The following JAKMIP1 variants were observed in gnomAD, a reference collection of about 807,000 sequenced individuals.
JAKMIP1 encodes the protein janus kinase and microtubule-interacting protein 1.
A neutral mutation model predicts 113.0 loss-of-function variants in JAKMIP1; 33 were observed. That is an observed-to-expected ratio of 0.29 (90% CI 0.22 to 0.39). JAKMIP1 has a LOEUF of 0.39. Ranked by LOEUF, JAKMIP1 falls within the 10% of genes least tolerant of loss-of-function variation. JAKMIP1 has a pLI of 1.00. For synonymous variants in JAKMIP1, 480 were observed against 459.9 expected, an observed-to-expected ratio of 1.04 and a Z score of -0.56; for missense variants, 813 against 1,080.5, an observed-to-expected ratio of 0.75 and a Z score of 3.47.
intron 5 of JAKMIP1, among the ~76,000 whole-genome samples, chr4:6,082,899 G>C (rs140782878): frequency 6.6e-6 from 1 of 152,166 alleles, no homozygotes; most frequent in Non-Finnish European, 1.5e-5. Context: ...CTGGTAAAAA[G>C]ACAAAGACAG....
Position 6,176,400 on chromosome 4 carries a change from G to T in JAKMIP1, c.-148+23853C>A, listed in dbSNP as rs1245904179. On this transcript the variant is annotated intron_variant, in intron 1 of 20. Transcript: ENST00000409021. This position sits in a 1 kb window ranked among gnomAD's most constrained non-coding sequence, Gnocchi z 5.5. ...ACAAACATTTTAGGAGGCAAAACCAGATAGGACCTCCAGCCTAGCTGAACG... is the reference window on the plus strand; with the variant it reads ...ACAAACATTTTAGGAGGCAAAACCATATAGGACCTCCAGCCTAGCTGAACG... Among the ~76,000 whole-genome samples the T allele has an allele frequency of 6.6e-6, 1 of 152,218 alleles. No individual in the cohort carries two copies. Among genetic ancestry groups the T allele is most frequent in the Non-Finnish European group, 1.5e-5 (1 of 68,040 alleles).
chr4:6,096,457 T>G (rs1269600622), intron 3 of JAKMIP1, among the ~76,000 whole-genome samples: 1 of 152,194 alleles, frequency 6.6e-6, no homozygotes, highest in African/African-American at 2.4e-5. Flanking sequence ...ATATCTTCAC[T>G]CTCCATTTTT....
rs114240018 is a variant in JAKMIP1 at position 6,040,268 on chromosome 4, G to A, written c.2175+371C>T. On this transcript the variant is annotated intron_variant, in intron 18 of 20. Coordinates refer to ENST00000409021, the MANE Select transcript of JAKMIP1 (RefSeq NM_001099433.2). This position sits in a 1 kb window ranked among gnomAD's most constrained non-coding sequence, Gnocchi z 5.8. The stretch of plus-strand genomic sequence containing the variant: ...CTTCATCTAATTGCTTTACCTCTGC[G>A]TTCCTTTGTGATCATCTCTTTTTCC... Among the ~76,000 whole-genome samples the A allele has an allele frequency of 7.5e-3, 1,144 of 152,198 alleles. 8 individuals carry two copies. The highest frequency in any genetic ancestry group is 0.023 in the African/African-American group (965 of 41,514).
rs138604616 is a variant in JAKMIP1 at position 6,161,374 on chromosome 4, C to T, written c.-148+38879G>A. ...AAGACTGAGCCCACTTTTTGTGGTC[C>T]GACCTATCTGGCTGCCCCGTGGGCT... is the stretch of plus-strand genomic sequence containing the variant. On this transcript the variant is annotated intron_variant, in intron 1 of 20. Coordinates refer to ENST00000409021, the MANE Select transcript of JAKMIP1 (RefSeq NM_001099433.2). 1.1e-4 allele frequency among the ~76,000 whole-genome samples: 16 copies of T among 145,646 alleles called. No homozygotes were observed. The East Asian group carries it at 2.7e-3, about 25-fold the overall frequency.
rs67524653 is a variant in JAKMIP1, at chr4:6,154,500, TAA to T, written c.-147-41505_-147-41504del. Among the ~76,000 whole-genome samples the T allele has an allele frequency of 0.091, 12,473 of 137,016 alleles. 604 individuals carry two copies. Among genetic ancestry groups the T allele is most frequent in the South Asian group, 0.14 (602 of 4,206 alleles). The allele number at this position is 137,016 out of a possible 152,430, so 89.9% of individuals were successfully genotyped here. On this transcript the variant is annotated intron_variant, in intron 1 of 20. Transcript: ENST00000409021. The surrounding 1 kb of genome is among the most constrained non-coding windows in gnomAD (Gnocchi z 4.2). ...AATTTGTCAGATGTCTATAGTCCTT[TAA>T]AAAAAAAAAAAAGCAGGGGGGATAT...
At chr4:6,130,901 C>T (rs1007589851) in intron 1 of JAKMIP1, among the ~76,000 whole-genome samples, 2 of 151,550 alleles carry the variant, frequency 1.3e-5, no homozygotes, top group Non-Finnish European at 2.9e-5. Flanking sequence ...CAGTCAGGCG[C>T]GATGGTTCAA....
At chr4:6,084,996 T>TG in intron 4 of JAKMIP1, 31 bp from the exon 5 acceptor site, 1 of 808,654 alleles carries the variant, frequency 1.2e-6, no homozygotes, top group Non-Finnish European at 1.6e-6. Context: ...AAAAAAAAAG[T>TG]CAAGACGTAA....
At position 6,116,423 on chromosome 4, in the gene JAKMIP1, C is replaced by T. The variant is rs566771184; in HGVS notation, c.-147-3426G>A. On this transcript the variant is annotated intron_variant, in intron 1 of 20. Coordinates refer to ENST00000409021, the MANE Select transcript of JAKMIP1 (RefSeq NM_001099433.2). The surrounding 1 kb of genome is among the most constrained non-coding windows in gnomAD (Gnocchi z 5.1). ...AAGGAGCACAGCACTGGCTCAGCGCCGCAGGCTGGAGGATGACTGCTCAGG... is the reference window on the plus strand; with the variant it reads ...AAGGAGCACAGCACTGGCTCAGCGCTGCAGGCTGGAGGATGACTGCTCAGG... Among the ~76,000 whole-genome samples the T allele has an allele frequency of 3.9e-5, 6 of 152,206 alleles. No individual in the cohort carries two copies. Among genetic ancestry groups the T allele is most frequent in the East Asian group, 3.9e-4 (2 of 5,142 alleles).
At position 6,065,580 on chromosome 4, in the gene JAKMIP1, C is replaced by T. The variant is rs982512357; in HGVS notation, c.1303-572G>A. 6.6e-6 allele frequency among the ~76,000 whole-genome samples: 1 copy of T among 152,194 alleles called. No homozygotes were observed. The highest frequency in any genetic ancestry group is 1.5e-5 in the Non-Finnish European group (1 of 68,044). ...AGTGTGGCAAATGTGTGGCCCAAGT[C>T]CTGGCCAGACCCACACTTAGAGGCA... On this transcript the variant is annotated intron_variant, in intron 8 of 20. Coordinates refer to ENST00000409021, the MANE Select transcript of JAKMIP1 (RefSeq NM_001099433.2). This position sits in a 1 kb window ranked among gnomAD's most constrained non-coding sequence, Gnocchi z 5.1.
intron 16 of JAKMIP1, among the ~76,000 whole-genome samples, chr4:6,048,630 T>A (rs929281260): frequency 2.6e-5 from 4 of 152,248 alleles, no homozygotes; most frequent in Admixed American, 2.6e-4. Flanking sequence ...AGTGACAGAC[T>A]GTTTCCTCCA....
In JAKMIP1 at chr4:6,188,291, C is replaced by T. The variant is rs1270199321; in HGVS notation, c.-148+11962G>A. ...CATGTGGTGACTGGAAGTGTGGAGA[C>T]AGCTCATTGCTTCAGACTAAGGTGG... On this transcript the variant is annotated intron_variant, in intron 1 of 20. Coordinates refer to ENST00000409021, the MANE Select transcript of JAKMIP1 (RefSeq NM_001099433.2). The surrounding 1 kb of genome is among the most constrained non-coding windows in gnomAD (Gnocchi z 5.8). 6.6e-6 allele frequency among the ~76,000 whole-genome samples: 1 copy of T among 152,192 alleles called. No homozygotes were observed. Among genetic ancestry groups the T allele is most frequent in the Admixed American group, 6.5e-5 (1 of 15,288 alleles).
chr4:6,051,804 G>A lies in JAKMIP1; in HGVS notation c.1807-1125C>T, dbSNP rs2108768849. ...AGCACAGTGGCAGAACAGGACTCAG[G>A]TCTCAGATGTGTTTCCTGCACAGAA... On this transcript the variant is annotated intron_variant, in intron 13 of 20. Coordinates refer to ENST00000409021, the MANE Select transcript of JAKMIP1 (RefSeq NM_001099433.2). The surrounding 1 kb of genome is among the most constrained non-coding windows in gnomAD (Gnocchi z 5.0). Among the ~76,000 whole-genome samples the A allele has an allele frequency of 6.6e-6, 1 of 152,344 alleles. No individual in the cohort carries two copies.
At chr4:6,196,792 C>T (rs954754856) in intron 1 of JAKMIP1, among the ~76,000 whole-genome samples, 14 of 150,086 alleles carry the variant, frequency 9.3e-5, no homozygotes, top group Non-Finnish European at 1.9e-4. Context: ...ACCCAGGAGG[C>T]GGATGTTGCA....
chr4:6,101,862 T>C (rs4479782), intron 3 of JAKMIP1, among the ~76,000 whole-genome samples: 150,297 of 150,586 alleles, frequency 1, 75,006 homozygotes, highest in Middle Eastern at 1. Flanking sequence ...GTTGAGATCA[T>C]GCCACTGCAC....
In JAKMIP1 at chr4:6,168,669, T is replaced by C. The variant is rs1400828416; in HGVS notation, c.-148+31584A>G. On this transcript the variant is annotated intron_variant, in intron 1 of 20. Coordinates refer to ENST00000409021, the MANE Select transcript of JAKMIP1 (RefSeq NM_001099433.2). This position sits in a 1 kb window ranked among gnomAD's most constrained non-coding sequence, Gnocchi z 4.6. Reference sequence around the variant, plus strand: ...ACTTTGGGAGGGCGAGGCGGGCAGATTTTTTGAGTCCAAGAGTCCAAGACC... The same window carrying C: ...ACTTTGGGAGGGCGAGGCGGGCAGACTTTTTGAGTCCAAGAGTCCAAGACC... Among the ~76,000 whole-genome samples, 1 of 151,994 alleles carries C rather than the reference T, an allele frequency of 6.6e-6. No individual in the cohort carries two copies. Among genetic ancestry groups the C allele is most frequent in the Non-Finnish European group, 1.5e-5 (1 of 67,992 alleles).
In JAKMIP1 at chr4:6,129,893, A is replaced by G. The variant is rs1718263688; in HGVS notation, c.-147-16896T>C. 6.6e-6 allele frequency among the ~76,000 whole-genome samples: 1 copy of G among 152,196 alleles called. No individual in the cohort carries two copies. Among genetic ancestry groups the G allele is most frequent in the Non-Finnish European group, 1.5e-5 (1 of 68,036 alleles). ...GTGGAGGACTGCAGGAGACACTGCAACAGCTGACCACCACAACGACCCTGC... is the reference window on the plus strand; with the variant it reads ...GTGGAGGACTGCAGGAGACACTGCAGCAGCTGACCACCACAACGACCCTGC... On this transcript the variant is annotated intron_variant, in intron 1 of 20. Coordinates refer to ENST00000409021, the MANE Select transcript of JAKMIP1 (RefSeq NM_001099433.2). This position sits in a 1 kb window ranked among gnomAD's most constrained non-coding sequence, Gnocchi z 5.4.
In JAKMIP1 at chr4:6,032,566, C is replaced by A. The variant is rs1035392596; in HGVS notation, c.2380-2785G>T. Among the ~76,000 whole-genome samples, 9 of 152,352 alleles carry A rather than the reference C, an allele frequency of 5.9e-5. No homozygotes were observed. The South Asian group carries it at 1.9e-3, about 32-fold the overall frequency. Reference sequence around the variant, plus strand: ...CATTCAACCAATGTCCACTGAGCCCCTTCTGTGGGTCAGCCCCAGTCTGCC... The same window carrying A: ...CATTCAACCAATGTCCACTGAGCCCATTCTGTGGGTCAGCCCCAGTCTGCC... On this transcript the variant is annotated intron_variant, in intron 19 of 20. Coordinates refer to ENST00000409021, the MANE Select transcript of JAKMIP1 (RefSeq NM_001099433.2).
intron 2 of JAKMIP1, 59 bp downstream of exon 2, chr4:6,112,663 A>T (rs1578268127): frequency 6.3e-7 from 1 of 1,582,378 alleles, no homozygotes; most frequent in Non-Finnish European, 8.6e-7. Context: ...CCTCAGAGGC[A>T]ACACTGCCCA....
chr4:6,070,776 C>T (rs1465438811), intron 8 of JAKMIP1, among the ~76,000 whole-genome samples: 2 of 152,214 alleles, frequency 1.3e-5, no homozygotes, highest in South Asian at 4.1e-4. Flanking sequence ...GGCTTCTCTA[C>T]CATCAATTTG....
Sources: allele counts gnomAD v4.1 joint callset (sites outside exome capture counted in the v4.1 genomes callset), GRCh38; gene constraint gnomAD v4.1.1; non-coding constraint Gnocchi (gnomAD v3.1); transcripts MANE v1.5; gene names NCBI Gene and HGNC (gene_info 2026-07-23, HGNC 2026-07-21).